ATP11C: variants seen among roughly 807,000 people sequenced by gnomAD.
ATP11C encodes the protein phospholipid-transporting ATPase IG.
ATP11C carries 36 observed loss-of-function variants against 97.4 expected under a neutral mutation model. That is an observed-to-expected ratio of 0.37 (90% confidence interval 0.28 to 0.49). ATP11C has a LOEUF of 0.49. Ranked by LOEUF, ATP11C falls within the 20% of genes least tolerant of loss-of-function variation. The pLI, the probability that ATP11C is intolerant of heterozygous loss-of-function variation, is 0.98. For synonymous variants in ATP11C, 275 were observed against 290.9 expected (o/e 0.95, Z 0.56); for missense variants, 730 against 824.6 (o/e 0.89, Z 1.40).
chrX:139,932,007 T>A lies in ATP11C; in HGVS notation c.27+9A>T, dbSNP rs750374357. On this transcript the variant is annotated intron_variant, in intron 1 of 29. Coordinates refer to ENST00000682941, the MANE Select transcript of ATP11C (RefSeq NM_001353812.2). ...CCGGCACGCGCGGAGCCGCAGCGAGTGTACTTACAAAACGATTCAAGCTCC... is the reference window on the plus strand; with the variant it reads ...CCGGCACGCGCGGAGCCGCAGCGAGAGTACTTACAAAACGATTCAAGCTCC... 1 of 1,163,994 alleles carries A rather than the reference T, an allele frequency of 8.6e-7. No individual in the cohort carries two copies. Among genetic ancestry groups the A allele is most frequent in the Admixed American group, 2.5e-5 (1 of 39,435 alleles).
At chrX:139,796,492 A>T in intron 11 of ATP11C, 22 bp from the exon 12 acceptor site, 1 of 1,012,673 alleles carries the variant, frequency 9.9e-7, no homozygotes, top group East Asian at 3.1e-5. Flanking sequence ...GAGATAGTTC[A>T]TGCTAATTAG....
chrX:139,757,670 A>G, intron 23 of ATP11C, 138 bp downstream of exon 23: 2 of 370,099 alleles, frequency 5.4e-6, no homozygotes, highest in East Asian at 8.7e-5. Flanking sequence ...GCAAAGACAT[A>G]AACATTTGCT....
chrX:139,846,465 T>A (rs1193591241), intron 1 of ATP11C, among the ~76,000 whole-genome samples: 1 of 111,983 alleles, frequency 8.9e-6, no homozygotes, highest in Non-Finnish European at 1.9e-5. Flanking sequence ...GCATTAAGTA[T>A]GCAATCCATT....
At chrX:139,881,521 T>A (rs940007349) in intron 1 of ATP11C, among the ~76,000 whole-genome samples, 6 of 111,279 alleles carry the variant, frequency 5.4e-5, no homozygotes, top group Non-Finnish European at 1.1e-4. Context: ...CTCTGTTTCT[T>A]TCCATCAGAA....
rs748936289 is a variant in ATP11C, at chrX:139,775,059, T to C, written c.1953-106A>G. The C allele has an allele frequency of 1.8e-5, 14 of 795,194 alleles. No individual in the cohort carries two copies. The East Asian group carries it at 4.6e-4, about 26-fold the overall frequency. 65.5% of individuals were successfully genotyped at this position (795,194 alleles called of 1,213,427 possible). A position where few individuals can be genotyped will look rare whatever the true frequency, so the allele number is the denominator to read the frequency against. On this transcript the variant is annotated intron_variant, in intron 18 of 29. Coordinates refer to ENST00000682941, the MANE Select transcript of ATP11C (RefSeq NM_001353812.2). ...TTTATAATTCACAGCAATTCTAGAG[T>C]CCTGACACCTTATCACGGTTGACTT... is the stretch of plus-strand genomic sequence containing the variant.
intron 1 of ATP11C, among the ~76,000 whole-genome samples, chrX:139,866,518 G>A (rs1360682202): frequency 9.2e-6 from 1 of 108,999 alleles, no homozygotes; most frequent in Non-Finnish European, 1.9e-5. Flanking sequence ...AGGAGTCTGA[G>A]ACCAGTCTAG....
At chrX:139,897,582 A>C (rs1052484131) in intron 1 of ATP11C, among the ~76,000 whole-genome samples, 3 of 108,995 alleles carry the variant, frequency 2.8e-5, no homozygotes, top group African/African-American at 1.0e-4. Flanking sequence ...GAGGCATGAG[A>C]ATTACTTGAA....
intron 15 of ATP11C, among the ~76,000 whole-genome samples, chrX:139,785,996 C>T (rs2148724994): frequency 9.0e-6 from 1 of 111,132 alleles, no homozygotes; most frequent in East Asian, 2.8e-4. Context: ...AAAAACTCAT[C>T]AATAGGGGAA....
intron 4 of ATP11C, among the ~76,000 whole-genome samples, chrX:139,815,407 T>TC (rs1253851083): frequency 1.8e-5 from 2 of 111,956 alleles, no homozygotes; most frequent in Non-Finnish European, 3.8e-5. Flanking sequence ...AGTAGACTGT[T>TC]CGAGTAATCA....
intron 1 of ATP11C, among the ~76,000 whole-genome samples, chrX:139,837,337 T>A (rs5953748): frequency 0.11 from 12,130 of 111,269 alleles, 897 homozygotes; most frequent in East Asian, 0.29. Flanking sequence ...AAATAATACT[T>A]TCAGCTAAAT....
intron 1 of ATP11C, among the ~76,000 whole-genome samples, chrX:139,861,018 C>A (rs1225737140): frequency 9.0e-6 from 1 of 111,416 alleles, no homozygotes; most frequent in African/African-American, 3.3e-5. Context: ...GCCCCAATGC[C>A]CCAGACTCTA....
intron 1 of ATP11C, among the ~76,000 whole-genome samples, chrX:139,887,469 A>C (rs745471655): frequency 4.5e-5 from 5 of 110,571 alleles, no homozygotes; most frequent in South Asian, 3.9e-4. Context: ...TACAAAAAAA[A>C]CCACAAAAAT....
chrX:139,801,213 T>C (rs1050062671), intron 7 of ATP11C, among the ~76,000 whole-genome samples: 1 of 112,379 alleles, frequency 8.9e-6, no homozygotes, highest in Non-Finnish European at 1.9e-5. Context: ...CAGAATAAGT[T>C]ACTCCCTTTT....
chrX:139,879,258 G>C (rs996120563), intron 1 of ATP11C, among the ~76,000 whole-genome samples: 7 of 110,707 alleles, frequency 6.3e-5, no homozygotes, highest in Non-Finnish European at 1.3e-4. Context: ...CCAAGATATG[G>C]TCACAACCTA....
At chrX:139,756,704 AAACT>A (rs1176448405) in intron 23 of ATP11C, among the ~76,000 whole-genome samples, 2 of 111,193 alleles carry the variant, frequency 1.8e-5, no homozygotes, top group African/African-American at 6.5e-5. Flanking sequence ...CATCCTAAGC[AAACT>A]AACACAAAAA....
intron 1 of ATP11C, among the ~76,000 whole-genome samples, chrX:139,864,032 C>G (rs956215561): frequency 2.7e-5 from 3 of 111,088 alleles, no homozygotes; most frequent in African/African-American, 9.8e-5. Flanking sequence ...CCACTGCACT[C>G]CATCCAGTCT....
chrX:139,887,941 A>C (rs1160025369), intron 1 of ATP11C, among the ~76,000 whole-genome samples: 2 of 101,098 alleles, frequency 2.0e-5, no homozygotes, highest in Non-Finnish European at 4.0e-5. Context: ...ACTGCACTCC[A>C]GCCTGGGCGA....
intron 1 of ATP11C, among the ~76,000 whole-genome samples, chrX:139,844,339 G>C (rs1012378155): frequency 8.9e-5 from 10 of 112,222 alleles, no homozygotes; most frequent in African/African-American, 2.9e-4. Flanking sequence ...GAGGGCTCTG[G>C]GTAAGCACTA....
At chrX:139,894,139 T>C (rs1423881710) in intron 1 of ATP11C, among the ~76,000 whole-genome samples, 1 of 112,087 alleles carries the variant, frequency 8.9e-6, no homozygotes, top group Non-Finnish European at 1.9e-5. Flanking sequence ...GCTCATCTGC[T>C]GCATGACATA....
Sources: allele counts gnomAD v4.1 joint callset (sites outside exome capture counted in the v4.1 genomes callset), GRCh38; gene constraint gnomAD v4.1.1; transcripts MANE v1.5; gene names NCBI Gene and HGNC (gene_info 2026-07-23, HGNC 2026-07-21).